The following HUWE1 variants were observed in gnomAD, a reference collection of about 807,000 sequenced individuals.
The protein encoded by HUWE1 is E3 ubiquitin-protein ligase HUWE1.
A neutral mutation model predicts 299.4 loss-of-function variants in HUWE1; 18 were observed. The ratio of observed to expected loss-of-function variants is 0.06; its 90% CI spans 0.04 to 0.09. HUWE1 has a LOEUF of 0.09. HUWE1 is among the 10% of genes least tolerant of loss of function. The pLI is 1.00. For synonymous variants in HUWE1, 1,317 were observed against 1,286.1 expected, an observed-to-expected ratio of 1.02 and a Z score of -0.51; for missense variants, 1,832 against 3,462.3, an observed-to-expected ratio of 0.53 and a Z score of 11.82.
chrX:53,675,715 T>C (rs781952493), intron 3 of HUWE1, among the ~76,000 whole-genome samples: 1 of 111,813 alleles, frequency 8.9e-6, no homozygotes, highest in East Asian at 2.8e-4. Flanking sequence ...CCACAAACTA[T>C]ACTTTAGATA....
At chrX:53,538,697 TACACACACAC>T (rs781962529) in intron 76 of HUWE1, 128 bp downstream of exon 76, 5 of 434,597 alleles carry the variant, frequency 1.2e-5, no homozygotes, top group African/African-American at 5.6e-5. Flanking sequence ...TGTGTGTATG[TACACACACAC>T]ACACACACAC....
At chrX:53,558,267 A>G (rs2062122183) in intron 59 of HUWE1, among the ~76,000 whole-genome samples, 1 of 111,857 alleles carries the variant, frequency 8.9e-6, no homozygotes, top group Admixed American at 9.5e-5. Flanking sequence ...AAATGACGGA[A>G]TGGGGTCATC....
At chrX:53,634,376 A>C in intron 7 of HUWE1, 78 bp from the exon 8 acceptor site, 1 of 661,291 alleles carries the variant, frequency 1.5e-6, no homozygotes, top group Non-Finnish European at 2.5e-6. Context: ...TAGGCAACAG[A>C]GTGAGACCTT....
rs187741600 is a variant in HUWE1 at position 53,620,388 on chromosome X, G to A, written c.1673-2942C>T. On this transcript the variant is annotated intron_variant, in intron 19 of 83. Coordinates refer to ENST00000262854, the MANE Select transcript of HUWE1 (RefSeq NM_031407.7). The stretch of plus-strand genomic sequence containing the variant: ...CTCCCACCTCAGCTTCCTGAGTAGC[G>A]CACCAGCATGCCCTGCAAACATTTT... Among the ~76,000 whole-genome samples the A allele has an allele frequency of 5.5e-4, 60 of 109,717 alleles. No individual in the cohort carries two copies. In the East Asian group the frequency reaches 5.8e-3, roughly 11 times the overall value.
At chrX:53,647,228 T>C in intron 6 of HUWE1, 140 bp downstream of exon 6, 1 of 518,498 alleles carries the variant, frequency 1.9e-6, no homozygotes, top group South Asian at 2.7e-5. Context: ...CCAAGAAACA[T>C]TCTACTATTA....
chrX:53,562,839 T>C lies in HUWE1; in HGVS notation c.7196A>G (p.Asn2399Ser). The change falls in exon 53 of 84, where the codon AAC (asparagine) becomes AGC (serine). Residue 2399 changes from asparagine (N) to serine (S), a missense_variant. Physicochemically the swap from Asn to Ser is conservative, Grantham distance 46. Around this residue, in one of 15 missense-constraint regions of HUWE1, gnomAD observed 170 missense variants for 335.8 expected, o/e 0.51. Transcript: ENST00000262854. ...NLSQASTLQA[N>S]REDSMNILDP... The stretch of plus-strand genomic sequence containing the variant: ...GGCCTCGGCACTCTCACCTTCTCGG[T>C]TGGCCTGCAAGGTGGAAGCTTGGCT... 8.3e-7 allele frequency: 1 copy of C among 1,209,192 alleles called. No individual in the cohort carries two copies. Among genetic ancestry groups the C allele is most frequent in the Non-Finnish European group, 1.1e-6 (1 of 893,682 alleles).
At chrX:53,547,528 G>T in intron 68 of HUWE1, 145 bp downstream of exon 68, 1 of 908,338 alleles carries the variant, frequency 1.1e-6, no homozygotes, top group Non-Finnish European at 1.5e-6. Flanking sequence ...TGGGACAGAT[G>T]AGGGTGAGAA....
chrX:53,671,791 C>CA (rs60356592), intron 3 of HUWE1, among the ~76,000 whole-genome samples: 11,839 of 28,265 alleles, frequency 0.42, 3,231 homozygotes, highest in East Asian at 0.6. Flanking sequence ...GACTCCGTCT[C>CA]AAAAAAAAAA....
rs782264057 is a variant in HUWE1 at position 53,538,974 on chromosome X, G to A, written c.11739C>T (p.Asp3913=). Residue 3913 remains aspartate, a synonymous_variant, in exon 76 of 84, where the codon GAC becomes GAT. Transcript: ENST00000262854. ...TRESQLAHIK[D]EPPPLSPAPL... ...GGGCAGGGGAGAGTGGAGGAGGCTC[G>A]TCCTTGATGTGTGCCAGCTGGCTCT... The A allele has an allele frequency of 2.7e-5, 33 of 1,204,968 alleles. No individual in the cohort carries two copies. The highest frequency in any genetic ancestry group is 2.3e-4 in the Middle Eastern group (1 of 4,372).
chrX:53,576,696 C>G (rs1428936359), intron 44 of HUWE1, among the ~76,000 whole-genome samples: 2 of 111,892 alleles, frequency 1.8e-5, no homozygotes, highest in Non-Finnish European at 3.8e-5. Context: ...GGTGCCTCAC[C>G]CTAAGGACTT....
At chrX:53,596,609 TA>T (rs1413135122) in intron 29 of HUWE1, among the ~76,000 whole-genome samples, 1 of 112,038 alleles carries the variant, frequency 8.9e-6, no homozygotes, top group African/African-American at 3.2e-5. Flanking sequence ...ACAATCTGCT[TA>T]AAACACTGTG....
chrX:53,604,483 C>T (rs2065054897), intron 26 of HUWE1, 106 bp downstream of exon 26: 1 of 925,686 alleles, frequency 1.1e-6, no homozygotes, highest in East Asian at 3.1e-5. Flanking sequence ...CTTTTAGCTG[C>T]TACCTCAGGC....
chrX:53,551,887 T>C (rs1159036283), intron 63 of HUWE1, among the ~76,000 whole-genome samples: 3 of 111,392 alleles, frequency 2.7e-5, no homozygotes, highest in African/African-American at 9.8e-5. Context: ...GAAACCAGTG[T>C]ATATGTCTTC....
At chrX:53,617,242 T>G in intron 20 of HUWE1, 95 bp from the exon 21 acceptor site, 1 of 951,574 alleles carries the variant, frequency 1.1e-6, no homozygotes, top group Non-Finnish European at 1.5e-6. Context: ...AGAAGGAATT[T>G]TGACAACCAG....
At chrX:53,542,398 C>G (rs1556919285) in intron 74 of HUWE1, 45 bp downstream of exon 74, 2 of 840,941 alleles carry the variant, frequency 2.4e-6, no homozygotes, top group East Asian at 6.2e-5. Flanking sequence ...TTCCAGAAGA[C>G]TGGCTATCCC....
chrX:53,622,899 G>A (rs1461513624), intron 19 of HUWE1, among the ~76,000 whole-genome samples: 1 of 112,141 alleles, frequency 8.9e-6, no homozygotes, highest in East Asian at 2.8e-4. Flanking sequence ...CATTTGGGGA[G>A]CTAAAATAAC....
intron 78 of HUWE1, among the ~76,000 whole-genome samples, 197 bp from the exon 79 acceptor site, chrX:53,536,864 T>C (rs2061086985): frequency 1.8e-5 from 2 of 111,799 alleles, no homozygotes; most frequent in Admixed American, 9.4e-5. Context: ...ACAGAGGAGA[T>C]GTCCCAAAAT....
At chrX:53,569,314 C>T (rs1379474399) in intron 48 of HUWE1, among the ~76,000 whole-genome samples, 1 of 112,813 alleles carries the variant, frequency 8.9e-6, no homozygotes, top group Non-Finnish European at 1.9e-5. Flanking sequence ...CGTGAGCCAC[C>T]GTGCCCAGCC....
intron 19 of HUWE1, among the ~76,000 whole-genome samples, chrX:53,619,590 GAAAAA>G (rs35685121): frequency 1.5e-4 from 6 of 41,155 alleles, no homozygotes; most frequent in Admixed American, 3.4e-4. Context: ...AGAAATAGAA[GAAAAA>G]AAAAAAAAAA....
Sources: allele counts gnomAD v4.1 joint callset (sites outside exome capture counted in the v4.1 genomes callset), GRCh38; gene constraint gnomAD v4.1.1; regional missense constraint gnomAD v4.1.1; transcripts MANE v1.5; gene names NCBI Gene and HGNC (gene_info 2026-07-23, HGNC 2026-07-21).